ZNF787: variants seen among roughly 807,000 people sequenced by gnomAD.
The protein encoded by ZNF787 is TTF-I-interacting peptide 20.
A neutral mutation model predicts 16.9 loss-of-function variants in ZNF787; 7 were observed. The ratio of observed to expected loss-of-function variants is 0.42; its 90% confidence interval spans 0.24 to 0.78. The LOEUF is 0.78. ZNF787 is among the 30% of genes least tolerant of loss of function. ZNF787 has a pLI of 0.30. For synonymous variants in ZNF787, 345 were observed against 270.9 expected, an observed-to-expected ratio of 1.27 and a Z score of -2.69; for missense variants, 551 against 589.3, an observed-to-expected ratio of 0.94 and a Z score of 0.67.
chr19:56,102,615 C>A, intron 2 of ZNF787: 1 of 478,412 alleles, frequency 2.1e-6, no homozygotes, highest in South Asian at 4.2e-5. Context: ...ACATAAAAAC[C>A]CAAACTGACA....
rs28580474 is a variant in ZNF787, at chr19:56,087,953, T to A, written c.*70A>T. The A allele has an allele frequency of 1.1e-5, 14 of 1,293,246 alleles. No individual in the cohort carries two copies. In the African/African-American group the frequency reaches 1.6e-4, roughly 15 times the overall value. 80.1% of individuals were successfully genotyped at this position (1,293,246 alleles called of 1,614,324 possible). On this transcript the variant is annotated 3_prime_UTR_variant, in exon 3 of 3. Transcript: ENST00000610935. ...CCCCGTCCGCTTCTCCCTGGGTCTC[T>A]TGGTCTTGCACGTCGTCGCTCCCGC...
rs1300275506 is a variant in ZNF787 at position 56,087,828 on chromosome 19, C to G, written c.*195G>C. 6 of 879,406 alleles carry G rather than the reference C, an allele frequency of 6.8e-6. No individual in the cohort carries two copies. Among genetic ancestry groups the G allele is most frequent in the East Asian group, 3.9e-5 (1 of 25,666 alleles). 54.5% of individuals were successfully genotyped at this position (879,406 alleles called of 1,614,324 possible). ...AGGCTGAGGGGGCAGAGTCTCGAGG[C>G]GGAGAAGTGAACGGGCCCTAATACG... is the stretch of plus-strand genomic sequence containing the variant. On this transcript the variant is annotated 3_prime_UTR_variant, in exon 3 of 3. Coordinates refer to ENST00000610935, the MANE Select transcript of ZNF787 (RefSeq NM_001002836.4).
chr19:56,114,260 G>T (rs1054692466), intron 1 of ZNF787, among the ~76,000 whole-genome samples: 2 of 152,114 alleles, frequency 1.3e-5, no homozygotes, highest in Non-Finnish European at 2.9e-5. Context: ...GGCCAGGCCC[G>T]GTCTTTCACC....
chr19:56,091,938 AGCC>A (rs1310217865), intron 2 of ZNF787, among the ~76,000 whole-genome samples: 8 of 120,114 alleles, frequency 6.7e-5, no homozygotes, highest in African/African-American at 1.7e-4. Flanking sequence ...CCGAAGCCGA[AGCC>A]AAAGCCAAAG....
At chr19:56,103,316 G>C (rs1047627620) in intron 1 of ZNF787, 89 bp from the exon 2 acceptor site, 43 of 1,156,514 alleles carry the variant, frequency 3.7e-5, no homozygotes, top group Non-Finnish European at 4.9e-5. Context: ...TGCAGACCCC[G>C]GCGTGACAGG....
At position 56,087,515 on chromosome 19, in the gene ZNF787, C is replaced by G. The variant is rs187968303; in HGVS notation, c.*508G>C. 1 of 152,120 alleles carries G rather than the reference C, an allele frequency of 6.6e-6. No homozygotes were observed. The highest frequency in any genetic ancestry group is 2.1e-4 in the South Asian group (1 of 4,832). The allele number at this position is 152,120 out of a possible 1,614,324, so 9.4% of individuals were successfully genotyped here. ...ACGACTCGAGCTCTAAGGATGGGAC[C>G]CGGAAGGCAGAAAAAAATAATGGAT... On this transcript the variant is annotated 3_prime_UTR_variant, in exon 3 of 3. Transcript: ENST00000610935.
In ZNF787 at chr19:56,088,122, G is replaced by T; in HGVS notation, c.1050C>A (p.Cys350Ter). The change falls in exon 3 of 3, where the codon TGC becomes TGA. Residue 350 changes from cysteine (C) to a stop codon, truncating the protein, a stop_gained. Transcript: ENST00000610935. LOFTEE classifies it low-confidence loss of function (END_TRUNC). The surrounding 1 kb of genome is among the most constrained non-coding windows in gnomAD (Gnocchi z 8.6). Reference sequence around the variant, plus strand: ...CGCCCGCGCGGTAGTAGCTCTGTCCGCAGCTGCTGCAGACCGAGGGCGCGC... The same window carrying T: ...CGCCCGCGCGGTAGTAGCTCTGTCCTCAGCTGCTGCAGACCGAGGGCGCGC... ...AVGAPSVCSSCGQSYYRAGGE... is the reference protein window; with the variant it reads ...AVGAPSVCSS The T allele has an allele frequency of 6.5e-7, 1 of 1,544,886 alleles. No individual in the cohort carries two copies. Among genetic ancestry groups the T allele is most frequent in the South Asian group, 1.2e-5 (1 of 85,758 alleles).
At chr19:56,097,115 A>T (rs1285666196) in intron 2 of ZNF787, among the ~76,000 whole-genome samples, 1 of 152,114 alleles carries the variant, frequency 6.6e-6, no homozygotes, top group Non-Finnish European at 1.5e-5. Flanking sequence ...CCCCAGCTCC[A>T]CGGCCCAGGC....
In ZNF787 at chr19:56,087,907, GATGCCGC is replaced by G. The variant is rs1985360762; in HGVS notation, c.*109_*115del. 2 of 1,273,604 alleles carry G rather than the reference GATGCCGC, an allele frequency of 1.6e-6. No homozygotes were observed. The highest frequency in any genetic ancestry group is 2.0e-6 in the Non-Finnish European group (2 of 1,009,922). The allele number at this position is 1,273,604 out of a possible 1,614,324, so 78.9% of individuals were successfully genotyped here. A position where few individuals can be genotyped will look rare whatever the true frequency, so the allele number is the denominator to read the frequency against. ...GGACAGAGGAGGGCGGGGAGCCGGG[GATGCCGC>G]GGGGTCCATCGCACCCCGTCCGCTT... On this transcript the variant is annotated 3_prime_UTR_variant, in exon 3 of 3. Transcript: ENST00000610935.
chr19:56,119,356 G>C (rs1157202590), intron 1 of ZNF787, among the ~76,000 whole-genome samples: 1 of 152,190 alleles, frequency 6.6e-6, no homozygotes, highest in Non-Finnish European at 1.5e-5. Flanking sequence ...TTGAACCTGG[G>C]AAAAGGGAAG....
At chr19:56,092,840 C>A (rs1251418004) in intron 2 of ZNF787, among the ~76,000 whole-genome samples, 3 of 150,870 alleles carry the variant, frequency 2.0e-5, no homozygotes, top group African/African-American at 7.3e-5. Flanking sequence ...TCCATAGACA[C>A]AAGGGGTGGC....
At position 56,088,076 on chromosome 19, in the gene ZNF787, C is replaced by T. The variant is rs777735533; in HGVS notation, c.1096G>A (p.Asp366Asn). 28 of 1,356,772 alleles carry T rather than the reference C, an allele frequency of 2.1e-5. No individual in the cohort carries two copies. In the East Asian group the frequency reaches 8.1e-4, roughly 39 times the overall value. 84.0% of individuals were successfully genotyped at this position (1,356,772 alleles called of 1,614,324 possible). Residue 366 changes from aspartate to asparagine, a missense_variant, in exon 3 of 3, where the codon GAC becomes AAC. Coordinates refer to ENST00000610935, the MANE Select transcript of ZNF787 (RefSeq NM_001002836.4). This position sits in a 1 kb window ranked among gnomAD's most constrained non-coding sequence, Gnocchi z 8.6. ...GGGCACCGCCCGCCCGCGGCCTCGTCGTCGTCGTCCTCCTCCTCCCCGCCC... is the reference window on the plus strand; with the variant it reads ...GGGCACCGCCCGCCCGCGGCCTCGTTGTCGTCGTCCTCCTCCTCCCCGCCC... ...RAGGEEEDDD[D>N]EAAGGRCPEC...
chr19:56,097,260 T>C (rs1324322867), intron 2 of ZNF787, among the ~76,000 whole-genome samples: 4 of 152,244 alleles, frequency 2.6e-5, no homozygotes, highest in African/African-American at 9.6e-5. Flanking sequence ...CCATTATTCC[T>C]ACCAGTATTA....
In ZNF787 at chr19:56,110,257, C is replaced by G. The variant is rs185900245; in HGVS notation, c.-10-7030G>C. Among the ~76,000 whole-genome samples the G allele has an allele frequency of 4.0e-5, 6 of 150,124 alleles. No individual in the cohort carries two copies. In the East Asian group the frequency reaches 1.0e-3, roughly 25 times the overall value. ...TGCCTGTAGTCCCAGCTACTGGGGA[C>G]GCTGAGGCAGGAGAATCGCTTGAAC... On this transcript the variant is annotated intron_variant, in intron 1 of 2. Transcript: ENST00000610935.
At chr19:56,098,744 T>C (rs1175375556) in intron 2 of ZNF787, among the ~76,000 whole-genome samples, 1 of 105,620 alleles carries the variant, frequency 9.5e-6, no homozygotes, top group Non-Finnish European at 2.0e-5. Flanking sequence ...GCCAGGGTGA[T>C]ACGGCCGCTG....
intron 2 of ZNF787, among the ~76,000 whole-genome samples, chr19:56,098,089 C>G (rs1985938101): frequency 2.0e-5 from 3 of 152,066 alleles, no homozygotes; most frequent in African/African-American, 7.2e-5. Context: ...GGTGAAGGAG[C>G]CTGGGGCCCA....
Position 56,087,995 on chromosome 19 carries a change from T to TGGGGG in ZNF787, c.*27_*28insCCCCC. 2.7e-6 allele frequency: 3 copies of TGGGGG among 1,106,468 alleles called. No individual in the cohort carries two copies. 68.5% of individuals were successfully genotyped at this position (1,106,468 alleles called of 1,614,324 possible). On this transcript the variant is annotated 3_prime_UTR_variant, in exon 3 of 3. Transcript: ENST00000610935. ...CGCTCCCGCCAAGCCCGAGGGGCCC[T>TGGGGG]GCCCGCCCCCCCCCCCGGGCCCCTC...
chr19:56,102,850 G>A (rs1364169071), intron 2 of ZNF787: 3 of 700,822 alleles, frequency 4.3e-6, no homozygotes, highest in South Asian at 1.5e-5. Flanking sequence ...ACAGACGGGG[G>A]TGCTGCCCAG....
intron 2 of ZNF787, among the ~76,000 whole-genome samples, chr19:56,091,914 A>G (rs1347434788): frequency 1.0e-4 from 5 of 50,036 alleles, no homozygotes; most frequent in East Asian, 3.2e-4. Flanking sequence ...CCGCAGCCGC[A>G]GCCGCAGCCG....
Sources: allele counts gnomAD v4.1 joint callset (sites outside exome capture counted in the v4.1 genomes callset), GRCh38; gene constraint gnomAD v4.1.1; non-coding constraint Gnocchi (gnomAD v3.1); transcripts MANE v1.5; gene names NCBI Gene and HGNC (gene_info 2026-07-23, HGNC 2026-07-21).